FLI1: variants seen among roughly 807,000 people sequenced by gnomAD.
FLI1 encodes Friend leukemia integration 1 transcription factor.
A neutral mutation model predicts 53.1 loss-of-function variants in FLI1; 13 were observed. The ratio of observed to expected loss-of-function variants is 0.24; its 90% CI spans 0.16 to 0.39. The LOEUF (loss-of-function observed/expected upper bound fraction) is 0.39. FLI1 is among the 10% of genes least tolerant of loss of function. FLI1 has a pLI of 1.00. For missense variants in FLI1, 424 were observed against 600.5 expected (o/e 0.71, Z 3.07); for synonymous variants, 244 against 236.7 (o/e 1.03, Z -0.28).
chr11:128,716,708 G>A (rs1649054336), intron 1 of FLI1, among the ~76,000 whole-genome samples: 1 of 152,258 alleles, frequency 6.6e-6, no homozygotes, highest in East Asian at 1.9e-4. Flanking sequence ...AGGAGGGCTG[G>A]AGCTCTGGGC....
chr11:128,750,401 G>A lies in FLI1; in HGVS notation c.19-7714G>A, dbSNP rs115287715. ...CATTCTGTGTTAGAAATAAAGCTCAGCCTACGTATAAGGAAGAACAGAGGG... is the reference window on the plus strand; with the variant it reads ...CATTCTGTGTTAGAAATAAAGCTCAACCTACGTATAAGGAAGAACAGAGGG... On this transcript the variant is annotated intron_variant, in intron 1 of 8. Coordinates refer to ENST00000527786, the MANE Select transcript of FLI1 (RefSeq NM_002017.5). 7.7e-3 allele frequency among the ~76,000 whole-genome samples: 1,173 copies of A among 152,318 alleles called. 16 individuals are homozygous for A. Among genetic ancestry groups the A allele is most frequent in the African/African-American group, 0.027 (1,106 of 41,556 alleles).
At chr11:128,744,613 G>A (rs756620983) in intron 1 of FLI1, among the ~76,000 whole-genome samples, 4 of 152,188 alleles carry the variant, frequency 2.6e-5, no homozygotes, top group African/African-American at 7.2e-5. Context: ...CGGGTAACAT[G>A]TCAAAGATGA....
intron 8 of FLI1, 109 bp downstream of exon 8, chr11:128,809,313 C>A: frequency 1.1e-6 from 1 of 903,708 alleles, no homozygotes; most frequent in Non-Finnish European, 1.8e-6. Context: ...GAGTAACATG[C>A]ACGTCTTTCC....
At chr11:128,774,290 A>T (rs948229338) in intron 4 of FLI1, among the ~76,000 whole-genome samples, 1 of 152,162 alleles carries the variant, frequency 6.6e-6, no homozygotes, top group Middle Eastern at 3.2e-3. Flanking sequence ...GAGAAAGTAG[A>T]TGATGCAGTA....
chr11:128,758,988 G>A (rs561108133), intron 2 of FLI1, among the ~76,000 whole-genome samples: 8 of 152,320 alleles, frequency 5.3e-5, no homozygotes, highest in South Asian at 4.1e-4. Flanking sequence ...GCAAGTCATC[G>A]AAACCCCTCA....
At chr11:128,688,166 G>A (rs1203166251) in intron 1 of FLI1, among the ~76,000 whole-genome samples, 2 of 152,008 alleles carry the variant, frequency 1.3e-5, no homozygotes, top group Non-Finnish European at 2.9e-5. Context: ...AGGAACCCTC[G>A]AGTCCATACA....
At chr11:128,695,139 C>T (rs10893909) in intron 1 of FLI1, among the ~76,000 whole-genome samples, 28,227 of 152,230 alleles carry the variant, frequency 0.19, 2,889 homozygotes, top group Middle Eastern at 0.29. Context: ...CGCCCCGCGC[C>T]CGCCCGGCCA....
At chr11:128,719,356 C>CGTGTGTGTGTGTGTGTGTGTGT (rs56336914) in intron 1 of FLI1, among the ~76,000 whole-genome samples, 1 of 145,200 alleles carries the variant, frequency 6.9e-6, no homozygotes, top group Non-Finnish European at 1.5e-5. Flanking sequence ...CCCCTTTTCC[C>CGTGTGTGTGTGTGTGTGTGTGT]GTGTGTGTGT....
At chr11:128,686,199 C>A (rs1469611641), upstream of FLI1, 3 of 375,610 alleles carry the variant, frequency 8.0e-6, no homozygotes, top group African/African-American at 6.3e-5. Context: ...GCTTCTGCTC[C>A]TCAGCCTGCA....
At chr11:128,767,556 T>C (rs1332378712) in intron 2 of FLI1, among the ~76,000 whole-genome samples, 1 of 152,202 alleles carries the variant, frequency 6.6e-6, no homozygotes, top group African/African-American at 2.4e-5. Flanking sequence ...AGAAATGCAT[T>C]AAACTTATAT....
chr11:128,811,842 T>C lies in FLI1; in HGVS notation c.*854T>C, dbSNP rs1474877038. On this transcript the variant is annotated 3_prime_UTR_variant, in exon 9 of 9. Coordinates refer to ENST00000527786, the MANE Select transcript of FLI1 (RefSeq NM_002017.5). ...AGAAGGCAACTTACTGTATAAATTA[T>C]GCAGAGTTATTTTCCTATATCTCAC... 1.5e-5 allele frequency: 3 copies of C among 199,862 alleles called. No homozygotes were observed. Among genetic ancestry groups the C allele is most frequent in the Admixed American group, 1.2e-4 (2 of 16,608 alleles). The allele number at this position is 199,862 out of a possible 1,614,324, so 12.4% of individuals were successfully genotyped here.
At chr11:128,746,488 T>A (rs757782295) in intron 1 of FLI1, among the ~76,000 whole-genome samples, 2 of 152,212 alleles carry the variant, frequency 1.3e-5, no homozygotes, top group Non-Finnish European at 2.9e-5. Context: ...ATGTTCTGAC[T>A]CCCACCTTCC....
chr11:128,801,069 C>T (rs913266108), intron 5 of FLI1, among the ~76,000 whole-genome samples: 5 of 152,230 alleles, frequency 3.3e-5, no homozygotes, highest in Admixed American at 6.5e-5. Flanking sequence ...ACACTGGTGC[C>T]GACGGCCACA....
intron 4 of FLI1, among the ~76,000 whole-genome samples, chr11:128,777,687 C>G (rs944221286): frequency 7.2e-5 from 11 of 152,236 alleles, no homozygotes; most frequent in African/African-American, 2.7e-4. Context: ...TGCACCCTCC[C>G]GCTCCTGCAC....
At chr11:128,799,057 G>A (rs866776962) in intron 5 of FLI1, among the ~76,000 whole-genome samples, 3 of 85,576 alleles carry the variant, frequency 3.5e-5, no homozygotes, top group Middle Eastern at 6.3e-3. Context: ...TTATTATTTT[G>A]CTTTGGAGAC....
chr11:128,721,463 C>T (rs150879705), intron 1 of FLI1, among the ~76,000 whole-genome samples: 16 of 152,316 alleles, frequency 1.1e-4, no homozygotes, highest in African/African-American at 3.9e-4. Context: ...GGCCCTAATA[C>T]ATTTTTGCTT....
rs1234781724 is a variant in FLI1 at position 128,735,854 on chromosome 11, C to G, written c.19-22261C>G. 4.6e-5 allele frequency among the ~76,000 whole-genome samples: 7 copies of G among 152,280 alleles called. No homozygotes were observed. In the East Asian group the frequency reaches 1.4e-3, roughly 29 times the overall value. On this transcript the variant is annotated intron_variant, in intron 1 of 8. Coordinates refer to ENST00000527786, the MANE Select transcript of FLI1 (RefSeq NM_002017.5). Reference sequence around the variant, plus strand: ...AATAATAAGATGTTTTTCAAATTTTCCTTCAAGGGTCCTATGAGCTGGCCT... The same window carrying G: ...AATAATAAGATGTTTTTCAAATTTTGCTTCAAGGGTCCTATGAGCTGGCCT...
chr11:128,754,964 C>T (rs368246168), intron 1 of FLI1, among the ~76,000 whole-genome samples: 21 of 152,338 alleles, frequency 1.4e-4, no homozygotes, highest in African/African-American at 5.1e-4. Flanking sequence ...CCTTTCTACA[C>T]CTACACTCTA....
intron 1 of FLI1, among the ~76,000 whole-genome samples, chr11:128,704,688 A>C (rs1282847649): frequency 5.3e-5 from 8 of 152,182 alleles, no homozygotes; most frequent in African/African-American, 1.9e-4. Flanking sequence ...GTGGTGTTCT[A>C]TGGGCAAACA....
Sources: gnomAD v4.1 joint callset for allele counts (sites outside exome capture counted in the v4.1 genomes callset) on GRCh38, gnomAD v4.1.1 for gene constraint, MANE v1.5 for transcripts, NCBI Gene and HGNC (gene_info 2026-07-23, HGNC 2026-07-21) for gene names.